RORA: variants seen among roughly 807,000 people sequenced by gnomAD.
RORA encodes the protein nuclear receptor ROR-alpha.
A neutral mutation model predicts 69.5 loss-of-function variants in RORA; 7 were observed. That is an observed-to-expected ratio of 0.10 (90% CI 0.06 to 0.19). The LOEUF (loss-of-function observed/expected upper bound fraction) is 0.19, where lower values mean the gene tolerates loss of function less well. Ranked by LOEUF, RORA falls within the 10% of genes least tolerant of loss-of-function variation. The probability of loss-of-function intolerance (pLI) is 1.00; values close to 1 mark genes in which losing one functional copy is unlikely to be tolerated. For missense variants in RORA, 457 were observed against 663.0 expected, an observed-to-expected ratio of 0.69 and a Z score of 3.41; for synonymous variants, 261 against 240.8, an observed-to-expected ratio of 1.08 and a Z score of -0.78.
intron 1 of RORA, among the ~76,000 whole-genome samples, chr15:60,718,944 G>A (rs1260331813): frequency 2.0e-5 from 3 of 152,072 alleles, no homozygotes; most frequent in East Asian, 1.9e-4. Flanking sequence ...ACAGGCTCCC[G>A]TGCCGTTCTG....
chr15:61,187,666 A>G (rs1253067068), intron 1 of RORA, among the ~76,000 whole-genome samples: 1 of 152,216 alleles, frequency 6.6e-6, no homozygotes, highest in Admixed American at 6.5e-5. Context: ...ATTTGTATTT[A>G]TAAGCGTTAA....
At chr15:60,872,449 C>G (rs1162697767) in intron 1 of RORA, among the ~76,000 whole-genome samples, 2 of 152,126 alleles carry the variant, frequency 1.3e-5, no homozygotes, top group African/African-American at 4.8e-5. Context: ...GCAAGAGAAA[C>G]TTTTCGAATG....
chr15:60,838,204 T>C (rs1050425621), intron 1 of RORA, among the ~76,000 whole-genome samples: 1 of 152,170 alleles, frequency 6.6e-6, no homozygotes, highest in Non-Finnish European at 1.5e-5. Flanking sequence ...CTCTCCAGCA[T>C]GCTGTTCCAC....
chr15:60,543,170 CTTTTTTTTTTTTTTTTTTTTTTT>C (rs200401959), intron 2 of RORA, among the ~76,000 whole-genome samples: 2,661 of 125,390 alleles, frequency 0.021, 141 homozygotes, highest in African/African-American at 0.099. Flanking sequence ...AAAGTGAAAA[CTTTTTTTTTTTTTTTTTTTTTTT>C]TTTTTTTTTT....
intron 1 of RORA, among the ~76,000 whole-genome samples, chr15:60,780,824 T>A (rs761193785): frequency 6.6e-6 from 1 of 152,222 alleles, no homozygotes; most frequent in Admixed American, 6.5e-5. Flanking sequence ...GGTCCCTACA[T>A]GCTAGTGTCA....
intron 1 of RORA, among the ~76,000 whole-genome samples, chr15:60,883,906 T>C (rs2073720273): frequency 6.6e-6 from 1 of 152,212 alleles, no homozygotes; most frequent in Non-Finnish European, 1.5e-5. Flanking sequence ...GGGTGTTATA[T>C]TTAGCCAATT....
intron 1 of RORA, among the ~76,000 whole-genome samples, chr15:60,870,180 G>A (rs1464946910): frequency 2.0e-5 from 3 of 152,206 alleles, no homozygotes; most frequent in African/African-American, 7.2e-5. Flanking sequence ...GAAACCAGGT[G>A]CTATTTATTC....
intron 1 of RORA, chr15:61,195,843 T>C (rs1170601725): frequency 6.6e-6 from 1 of 152,216 alleles, no homozygotes; most frequent in Non-Finnish European, 1.5e-5. Context: ...TACTGACACT[T>C]TGCCTCTTCA....
intron 1 of RORA, among the ~76,000 whole-genome samples, chr15:61,009,228 T>C (rs1275029522): frequency 6.6e-6 from 1 of 152,160 alleles, no homozygotes; most frequent in African/African-American, 2.4e-5. Flanking sequence ...TCTTTCCCTA[T>C]AAAAGTAGCC....
At position 60,650,298 on chromosome 15, in the gene RORA, A is replaced by G. The variant is rs189340214; in HGVS notation, c.196+28359T>C. On this transcript the variant is annotated intron_variant, in intron 2 of 10. Coordinates refer to ENST00000335670, the MANE Select transcript of RORA (RefSeq NM_134261.3). ...GAGAGGATCAAACAAGGCTTTCTCT[A>G]TTGAAGTTGTTCGAGAACATTTATG... Among the ~76,000 whole-genome samples, 285 of 151,952 alleles carry G rather than the reference A, an allele frequency of 1.9e-3. 3 individuals carry two copies. The highest frequency in any genetic ancestry group is 0.017 in the Admixed American group (267 of 15,276).
chr15:60,743,016 A>ATTTTTTTT (rs33922947), intron 1 of RORA, among the ~76,000 whole-genome samples: 8 of 105,164 alleles, frequency 7.6e-5, no homozygotes, highest in Non-Finnish European at 1.5e-4. Flanking sequence ...CATTCATTCT[A>ATTTTTTTT]TTTTTTTTTT....
intron 1 of RORA, among the ~76,000 whole-genome samples, chr15:61,022,586 G>C (rs1895585622): frequency 6.6e-6 from 1 of 152,214 alleles, no homozygotes; most frequent in Non-Finnish European, 1.5e-5. Context: ...GACTGGGATG[G>C]GGTCATATTC....
chr15:61,053,404 T>C (rs1047610753), intron 1 of RORA, among the ~76,000 whole-genome samples: 1 of 151,866 alleles, frequency 6.6e-6, no homozygotes, highest in African/African-American at 2.4e-5. Context: ...CCTGTCCAGA[T>C]GTAATTAGGC....
At chr15:60,505,882 T>A (rs907517595) in intron 5 of RORA, among the ~76,000 whole-genome samples, 2 of 152,198 alleles carry the variant, frequency 1.3e-5, no homozygotes, top group African/African-American at 4.8e-5. Context: ...TTGCCCTTGT[T>A]CTGTGCCTTT....
At chr15:61,152,731 A>T (rs1211707561) in intron 1 of RORA, among the ~76,000 whole-genome samples, 1 of 152,168 alleles carries the variant, frequency 6.6e-6, no homozygotes, top group African/African-American at 2.4e-5. Context: ...GCATCCATCC[A>T]TCCACAGACT....
rs534706047 is a variant in RORA, at chr15:61,200,413, C to T, written c.166+28640G>A. 3.4e-3 allele frequency among the ~76,000 whole-genome samples: 516 copies of T among 152,234 alleles called. 2 individuals carry two copies. Among genetic ancestry groups the T allele is most frequent in the Non-Finnish European group, 5.8e-3 (397 of 68,010 alleles). ...AATAAAAGGGCAATAAATTAACTTT[C>T]TGGAACATAGAGTCACCGCAGGATC... is the stretch of plus-strand genomic sequence containing the variant. On this transcript the variant is annotated intron_variant, in intron 1 of 10. Transcript: ENST00000335670.
In RORA at chr15:60,859,655, C is replaced by CTTTCT. The variant is rs372938017; in HGVS notation, c.167-180970_167-180969insAGAAA. ...TTTTTCTTTCTTTCTTTCTTTCTTT[C>CTTTCT]TTTTTTTTTTTTTTTTAGAGATGGG... On this transcript the variant is annotated intron_variant, in intron 1 of 10. Coordinates refer to ENST00000335670, the MANE Select transcript of RORA (RefSeq NM_134261.3). Among the ~76,000 whole-genome samples the CTTTCT allele has an allele frequency of 1.8e-4, 18 of 101,592 alleles. 2 individuals are homozygous for CTTTCT. In the South Asian group the frequency reaches 1.9e-3, roughly 11 times the overall value. 66.6% of individuals were successfully genotyped at this position (101,592 alleles called of 152,430 possible).
Position 60,588,484 on chromosome 15 carries a change from T to TCCATCC in RORA, c.197-56634_197-56633insGGATGG, listed in dbSNP as rs1567108408. 9.6e-5 allele frequency among the ~76,000 whole-genome samples: 11 copies of TCCATCC among 114,792 alleles called. No homozygotes were observed. In the South Asian group the frequency reaches 1.9e-3, roughly 20 times the overall value. 75.3% of individuals were successfully genotyped at this position (114,792 alleles called of 152,430 possible). On this transcript the variant is annotated intron_variant, in intron 2 of 10. Transcript: ENST00000335670. ...TCCATCCATCCATCCATCCATCCAG[T>TCCATCC]AACTTTTCTCCAGTAAGTGGCCATT...
At chr15:60,780,448 C>T (rs546015837) in intron 1 of RORA, among the ~76,000 whole-genome samples, 1 of 152,178 alleles carries the variant, frequency 6.6e-6, no homozygotes, top group Non-Finnish European at 1.5e-5. Flanking sequence ...AGGGAAGTTC[C>T]TTTAAAAAGA....
Sources: allele counts gnomAD v4.1 joint callset (sites outside exome capture counted in the v4.1 genomes callset), GRCh38; gene constraint gnomAD v4.1.1; transcripts MANE v1.5; gene names NCBI Gene and HGNC (gene_info 2026-07-23, HGNC 2026-07-21).